Variants in ZNF385D observed in about 807,000 individuals in gnomAD.
ZNF385D encodes the protein zinc finger protein 385D, also known as zinc finger protein 659.
ZNF385D carries 15 observed loss-of-function variants against 35.8 expected under a neutral mutation model. That is an observed-to-expected ratio of 0.42 (90% CI 0.28 to 0.64). The LOEUF is 0.64. Among genes scored for constraint, ZNF385D ranks in the 30% least tolerant of loss-of-function variants. The pLI is 0.23. For synonymous variants in ZNF385D, 212 were observed against 186.8 expected (o/e 1.13, Z -1.10); for missense variants, 474 against 494.6 (o/e 0.96, Z 0.39).
At chr3:21,812,736 G>T (rs2072981668) in intron 3 of ZNF385D, among the ~76,000 whole-genome samples, 2 of 152,210 alleles carry the variant, frequency 1.3e-5, no homozygotes, top group Admixed American at 1.3e-4. Context: ...GCTCAAGGAG[G>T]CCTGCCTGCC....
intron 3 of ZNF385D, among the ~76,000 whole-genome samples, chr3:21,924,716 A>G (rs259519): frequency 0.063 from 9,586 of 152,204 alleles, 483 homozygotes; most frequent in African/African-American, 0.13. Flanking sequence ...TAGTGGAGAC[A>G]AGTGGGGGCA....
At chr3:21,844,402 T>C (rs1003214402) in intron 3 of ZNF385D, among the ~76,000 whole-genome samples, 1 of 139,908 alleles carries the variant, frequency 7.1e-6, no homozygotes, top group Non-Finnish European at 1.5e-5. Flanking sequence ...CTTGGGGATT[T>C]TGATGATTAG....
chr3:22,098,154 T>A (rs996784546), intron 3 of ZNF385D, among the ~76,000 whole-genome samples: 1 of 152,004 alleles, frequency 6.6e-6, no homozygotes, highest in Admixed American at 6.6e-5. Context: ...TTTCAGGAAG[T>A]TGAGTTCAAG....
intron 4 of ZNF385D, among the ~76,000 whole-genome samples, chr3:21,462,848 G>A (rs554665616): frequency 6.6e-6 from 1 of 152,232 alleles, no homozygotes; most frequent in South Asian, 2.1e-4. Flanking sequence ...TGGGCATGGT[G>A]GCTCACACCT....
chr3:21,636,358 ATATGATTATATATATATGAT>A (rs1428923357), intron 2 of ZNF385D, among the ~76,000 whole-genome samples: 60 of 132,394 alleles, frequency 4.5e-4, no homozygotes, highest in Admixed American at 1.4e-3. Flanking sequence ...ATATGATTAT[ATATGATTATATATATATGAT>A]TATATATATA....
chr3:21,826,132 A>G (rs1444490262), intron 3 of ZNF385D, among the ~76,000 whole-genome samples: 1 of 152,150 alleles, frequency 6.6e-6, no homozygotes, highest in African/African-American at 2.4e-5. Flanking sequence ...CTTTCTCTTA[A>G]GTTGCTTTGA....
At chr3:22,337,502 C>G (rs1246643230) in intron 2 of ZNF385D, among the ~76,000 whole-genome samples, 1 of 152,024 alleles carries the variant, frequency 6.6e-6, no homozygotes, top group South Asian at 2.1e-4. Flanking sequence ...CCACTGCACT[C>G]CAGCCTGGGC....
At chr3:21,809,112 G>A (rs2072787412) in intron 3 of ZNF385D, among the ~76,000 whole-genome samples, 1 of 152,012 alleles carries the variant, frequency 6.6e-6, no homozygotes. Flanking sequence ...TTTGAGAAAA[G>A]ATTCTCAAAA....
intron 2 of ZNF385D, among the ~76,000 whole-genome samples, chr3:22,292,811 C>A (rs1480567865): frequency 6.6e-6 from 1 of 152,012 alleles, no homozygotes; most frequent in Non-Finnish European, 1.5e-5. Context: ...ATATTACTTT[C>A]TGGGGGCAAA....
chr3:21,663,549 C>T, intron 2 of ZNF385D, among the ~76,000 whole-genome samples: 1 of 151,910 alleles, frequency 6.6e-6, no homozygotes, highest in African/African-American at 2.4e-5. Flanking sequence ...AAAGGGAACC[C>T]AGGGGATTTC....
At chr3:22,160,426 C>T (rs1217609316) in intron 3 of ZNF385D, among the ~76,000 whole-genome samples, 1 of 151,920 alleles carries the variant, frequency 6.6e-6, no homozygotes, top group Non-Finnish European at 1.5e-5. Flanking sequence ...TAAATATATA[C>T]ATAAAATCAA....
chr3:22,093,064 G>T lies in ZNF385D; in HGVS notation c.325+75753C>A, dbSNP rs983830385. 4.6e-5 allele frequency among the ~76,000 whole-genome samples: 7 copies of T among 152,234 alleles called. No homozygotes were observed. The South Asian group carries it at 1.2e-3, about 27-fold the overall frequency. ...ACACCCTAAAGTGGGACAACGTAGA[G>T]TCATAAGACAAAGAGTGTGGATAGT... On this transcript the variant is annotated intron_variant, in intron 3 of 5. Transcript: ENST00000494108.
chr3:22,251,912 C>T (rs113288443), intron 2 of ZNF385D, among the ~76,000 whole-genome samples: 2 of 151,986 alleles, frequency 1.3e-5, no homozygotes, highest in Non-Finnish European at 2.9e-5. Flanking sequence ...AAGGTTTGGG[C>T]GACCTACCTC....
intron 3 of ZNF385D, among the ~76,000 whole-genome samples, chr3:22,005,652 A>G (rs968301476): frequency 6.6e-6 from 1 of 151,986 alleles, no homozygotes; most frequent in African/African-American, 2.4e-5. Context: ...AAATATTCAC[A>G]CCTCATTATA....
chr3:21,658,930 A>G (rs768419897), intron 2 of ZNF385D, among the ~76,000 whole-genome samples: 2 of 152,066 alleles, frequency 1.3e-5, no homozygotes, highest in Non-Finnish European at 2.9e-5. Flanking sequence ...AGTTTAATCT[A>G]TTAACATCTA....
intron 3 of ZNF385D, among the ~76,000 whole-genome samples, chr3:21,904,419 T>C (rs779921232): frequency 1.6e-4 from 24 of 152,150 alleles, no homozygotes; most frequent in Non-Finnish European, 3.4e-4. Context: ...CATAGTTCTT[T>C]TGGGATTACT....
intron 3 of ZNF385D, among the ~76,000 whole-genome samples, chr3:22,039,519 T>C (rs1285335351): frequency 6.6e-6 from 1 of 152,094 alleles, no homozygotes; most frequent in Non-Finnish European, 1.5e-5. Flanking sequence ...GTAACCTAAA[T>C]CCTAGTTGCA....
intron 3 of ZNF385D, among the ~76,000 whole-genome samples, chr3:22,049,994 G>C (rs1453478638): frequency 6.6e-6 from 1 of 152,108 alleles, no homozygotes; most frequent in East Asian, 1.9e-4. Context: ...TTTGGTATCA[G>C]GATAATGCTA....
At chr3:21,599,008 G>C (rs2064204420) in intron 2 of ZNF385D, among the ~76,000 whole-genome samples, 1 of 152,280 alleles carries the variant, frequency 6.6e-6, no homozygotes, top group African/African-American at 2.4e-5. Context: ...AATGGCTGAA[G>C]AGATTTCCAC....
Sources: allele counts gnomAD v4.1 joint callset (sites outside exome capture counted in the v4.1 genomes callset), GRCh38; gene constraint gnomAD v4.1.1; transcripts MANE v1.5; gene names NCBI Gene and HGNC (gene_info 2026-07-23, HGNC 2026-07-21).